The following NKX6-1 variants were observed in gnomAD, a reference collection of about 807,000 sequenced individuals.
The protein encoded by NKX6-1 is homeobox protein Nkx-6.1.
Under a neutral mutation model 24.9 loss-of-function variants are expected in NKX6-1, and 11 were observed. The observed-to-expected ratio is 0.44, with a 90% CI of 0.28 to 0.73. The LOEUF (loss-of-function observed/expected upper bound fraction) is 0.73, where lower values mean the gene tolerates loss of function less well. Among genes scored for constraint, NKX6-1 ranks in the 30% least tolerant of loss-of-function variants. NKX6-1 has a pLI of 0.15. For missense variants in NKX6-1, 487 were observed against 502.9 expected (o/e 0.97, Z 0.30); for synonymous variants, 277 against 242.9 (o/e 1.14, Z -1.31).
chr4:84,493,277 G>C lies in NKX6-1; in HGVS notation c.*12C>G, dbSNP rs1720759356. On this transcript the variant is annotated 3_prime_UTR_variant, in exon 3 of 3. Coordinates refer to ENST00000295886, the MANE Select transcript of NKX6-1 (RefSeq NM_006168.3). This position sits in a 1 kb window ranked among gnomAD's most constrained non-coding sequence, Gnocchi z 5.1. ...GAGGCCGGAGCCGGGAAGGTGCGGC[G>C]GGCGGCGGCGTTCAGGATGAGCTCT... The C allele has an allele frequency of 7.0e-7, 1 of 1,427,812 alleles. No homozygotes were observed. Among genetic ancestry groups the C allele is most frequent in the African/African-American group, 1.4e-5 (1 of 69,794 alleles). The allele number at this position is 1,427,812 out of a possible 1,614,324, so 88.4% of individuals were successfully genotyped here.
At chr4:84,494,932 G>C (rs1448261950) in intron 2 of NKX6-1, among the ~76,000 whole-genome samples, 1 of 151,950 alleles carries the variant, frequency 6.6e-6, no homozygotes, top group Non-Finnish European at 1.5e-5. Flanking sequence ...TTATTTTTTA[G>C]GAAAAAATTT....
rs1720847394 is a variant in NKX6-1 at position 84,497,680 on chromosome 4, GGCC to G, written c.546_548del (p.Ala183del). 1 of 1,272,006 alleles carries G rather than the reference GGCC, an allele frequency of 7.9e-7. No homozygotes were observed. Among genetic ancestry groups the G allele is most frequent in the Admixed American group, 4.2e-5 (1 of 23,850 alleles). The allele number at this position is 1,272,006 out of a possible 1,614,324, so 78.8% of individuals were successfully genotyped here. A position where few individuals can be genotyped will look rare whatever the true frequency, so the allele number is the denominator to read the frequency against. ...TGGGGTACCGGCCCACGGCGGCCAC[GGCC>G]GCGGCGCTGGGGCTGAAGTAGAGCC... On this transcript the variant is annotated inframe_deletion, in exon 1 of 3. Coordinates refer to ENST00000295886, the MANE Select transcript of NKX6-1 (RefSeq NM_006168.3). This position sits in a 1 kb window ranked among gnomAD's most constrained non-coding sequence, Gnocchi z 4.8.
chr4:84,498,375 G>A lies in NKX6-1; in HGVS notation c.-147C>T, dbSNP rs1338090872. Reference sequence around the variant, plus strand: ...GCGAGCTGCCAACTGAACCAAAAATGCCGCTGCCGGGAGTTGCTCGCCTAG... The same window carrying A: ...GCGAGCTGCCAACTGAACCAAAAATACCGCTGCCGGGAGTTGCTCGCCTAG... On this transcript the variant is annotated 5_prime_UTR_variant, in exon 1 of 3. Transcript: ENST00000295886. 8 of 880,160 alleles carry A rather than the reference G, an allele frequency of 9.1e-6. No homozygotes were observed. Among genetic ancestry groups the A allele is most frequent in the Non-Finnish European group, 1.2e-5 (8 of 666,994 alleles). 54.5% of individuals were successfully genotyped at this position (880,160 alleles called of 1,614,324 possible). A position where few individuals can be genotyped will look rare whatever the true frequency, so the allele number is the denominator to read the frequency against.
chr4:84,498,962 A>G lies in NKX6-1; in HGVS notation c.-734T>C, dbSNP rs1720890445. On this transcript the variant is annotated 5_prime_UTR_variant, in exon 1 of 3. Transcript: ENST00000295886. ...TGCCCTCTGGCCCACGGGGCACTGGAGTTGCAATATTGAAAAGAAAAAGGG... is the reference window on the plus strand; with the variant it reads ...TGCCCTCTGGCCCACGGGGCACTGGGGTTGCAATATTGAAAAGAAAAAGGG... Among the ~76,000 whole-genome samples the G allele has an allele frequency of 6.6e-6, 1 of 152,142 alleles. No homozygotes were observed. The highest frequency in any genetic ancestry group is 6.5e-5 in the Admixed American group (1 of 15,280).
At position 84,493,167 on chromosome 4, in the gene NKX6-1, A is replaced by G. The variant is rs7670936; in HGVS notation, c.*122T>C. The G allele has an allele frequency of 6.4e-3, 5,584 of 876,986 alleles. 186 individuals carry two copies. The African/African-American group carries it at 0.076, about 12-fold the overall frequency. 54.3% of individuals were successfully genotyped at this position (876,986 alleles called of 1,614,324 possible). On this transcript the variant is annotated 3_prime_UTR_variant, in exon 3 of 3. Transcript: ENST00000295886. The surrounding 1 kb of genome is among the most constrained non-coding windows in gnomAD (Gnocchi z 5.1). ...CTCAAAAATAGCAAAGGGTCCCCGC[A>G]GGCAGGGCCGGGTCCTCCGGGCCCC...
Position 84,497,475 on chromosome 4 carries a change from G to C in NKX6-1, c.670+84C>G. The C allele has an allele frequency of 4.8e-6, 6 of 1,247,676 alleles. No individual in the cohort carries two copies. Among genetic ancestry groups the C allele is most frequent in the Admixed American group, 4.2e-5 (1 of 23,704 alleles). 77.3% of individuals were successfully genotyped at this position (1,247,676 alleles called of 1,614,324 possible). A position where few individuals can be genotyped will look rare whatever the true frequency, so the allele number is the denominator to read the frequency against. The stretch of plus-strand genomic sequence containing the variant: ...GGGCGGGCCACAGGATGGACTGAGC[G>C]GCATGCACACCAGGGGCCGCGACCC... On this transcript the variant is annotated intron_variant, in intron 1 of 2. Coordinates refer to ENST00000295886, the MANE Select transcript of NKX6-1 (RefSeq NM_006168.3). This position sits in a 1 kb window ranked among gnomAD's most constrained non-coding sequence, Gnocchi z 4.8.
At position 84,497,710 on chromosome 4, in the gene NKX6-1, G is replaced by GGGC. The variant is rs750148249; in HGVS notation, c.516_518dup (p.Pro173dup). ...CGGCGCTGGGGCTGAAGTAGAGCCCGGGCGGCGGCGGCGGCGGGCTCAGGC... is the reference window on the plus strand; with the variant it reads ...CGGCGCTGGGGCTGAAGTAGAGCCCGGGCGGCGGCGGCGGCGGCGGGCTCAGGC... On this transcript the variant is annotated inframe_insertion, in exon 1 of 3. Transcript: ENST00000295886. This position sits in a 1 kb window ranked among gnomAD's most constrained non-coding sequence, Gnocchi z 4.8. 1.5e-4 allele frequency: 186 copies of GGGC among 1,262,598 alleles called. No homozygotes were observed. Among genetic ancestry groups the GGGC allele is most frequent in the African/African-American group, 3.9e-4 (25 of 64,426 alleles). 78.2% of individuals were successfully genotyped at this position (1,262,598 alleles called of 1,614,324 possible). A position where few individuals can be genotyped will look rare whatever the true frequency, so the allele number is the denominator to read the frequency against.
At position 84,493,414 on chromosome 4, in the gene NKX6-1, T is replaced by G. The variant is rs1240925831; in HGVS notation, c.979A>C (p.Asn327His). The G allele has an allele frequency of 6.2e-7, 1 of 1,614,238 alleles. No individual in the cohort carries two copies. Among genetic ancestry groups the G allele is most frequent in the South Asian group, 1.1e-5 (1 of 91,088 alleles). Residue 327 changes from asparagine (N) to histidine (H), a missense_variant, in exon 3 of 3, where the codon AAT becomes CAT. Around this residue, in one of 3 missense-constraint regions of NKX6-1, gnomAD observed 126 missense variants for 105.5 expected, o/e 1.19. Coordinates refer to ENST00000295886, the MANE Select transcript of NKX6-1 (RefSeq NM_006168.3). The surrounding 1 kb of genome is among the most constrained non-coding windows in gnomAD (Gnocchi z 5.1). Reference sequence around the variant, plus strand: ...TCCGAGTTGGGATCCAGAGGCTTATTGTAGTCGTCGTCCTCTTCCTCGTTC... The same window carrying G: ...TCCGAGTTGGGATCCAGAGGCTTATGGTAGTCGTCGTCCTCTTCCTCGTTC... Reference protein sequence around the residue: ...SENEEEDDDYNKPLDPNSDDE... With the variant: ...SENEEEDDDYHKPLDPNSDDE...
chr4:84,497,662 C>T lies in NKX6-1; in HGVS notation c.567G>A (p.Arg189=). ...GCAGCTCAGCCAGCGGCTTGGGGTA[C>T]CGGCCCACGGCGGCCACGGCCGCGG... is the stretch of plus-strand genomic sequence containing the variant. ...PSAAAVAAVG[R]YPKPLAELPG... The change falls in exon 1 of 3, where the codon CGG becomes CGA. Residue 189 remains arginine (R), a synonymous_variant. Coordinates refer to ENST00000295886, the MANE Select transcript of NKX6-1 (RefSeq NM_006168.3). This position sits in a 1 kb window ranked among gnomAD's most constrained non-coding sequence, Gnocchi z 4.8. 1 of 1,277,288 alleles carries T rather than the reference C, an allele frequency of 7.8e-7. No homozygotes were observed. 79.1% of individuals were successfully genotyped at this position (1,277,288 alleles called of 1,614,324 possible). A position where few individuals can be genotyped will look rare whatever the true frequency, so the allele number is the denominator to read the frequency against.
rs746665259 is a variant in NKX6-1, at chr4:84,496,242, A to ATT, written c.671-400_671-399dup. ...GGAGCCTTTAAGTGAGAATAACTAG[A>ATT]TTTTTTTTTTTTTCCTTCAACGCTT... is the stretch of plus-strand genomic sequence containing the variant. On this transcript the variant is annotated intron_variant, in intron 1 of 2. Coordinates refer to ENST00000295886, the MANE Select transcript of NKX6-1 (RefSeq NM_006168.3). Among the ~76,000 whole-genome samples, 1,418 of 145,904 alleles carry ATT rather than the reference A, an allele frequency of 9.7e-3. 25 individuals carry two copies. The highest frequency in any genetic ancestry group is 0.034 in the African/African-American group (1,355 of 39,862).
Position 84,493,701 on chromosome 4 carries a change from C to A in NKX6-1, c.844-152G>T. 1 of 998,764 alleles carries A rather than the reference C, an allele frequency of 1.0e-6. No individual in the cohort carries two copies. Among genetic ancestry groups the A allele is most frequent in the South Asian group, 1.7e-5 (1 of 58,680 alleles). 61.9% of individuals were successfully genotyped at this position (998,764 alleles called of 1,614,324 possible). On this transcript the variant is annotated intron_variant, in intron 2 of 2. Transcript: ENST00000295886. This position sits in a 1 kb window ranked among gnomAD's most constrained non-coding sequence, Gnocchi z 5.1. Reference sequence around the variant, plus strand: ...CCTCGCAGCCCTCCCTTTTCTCGGCCGTCAAAGTCAGTCTCCGTCGCCCCA... The same window carrying A: ...CCTCGCAGCCCTCCCTTTTCTCGGCAGTCAAAGTCAGTCTCCGTCGCCCCA...
chr4:84,498,665 G>A lies in NKX6-1; in HGVS notation c.-437C>T, dbSNP rs1474894199. Reference sequence around the variant, plus strand: ...GCCGAATCTCCACTTTGAAGTTGGAGGGTGGGGGTGGCTTGCTTTCTTTGG... The same window carrying A: ...GCCGAATCTCCACTTTGAAGTTGGAAGGTGGGGGTGGCTTGCTTTCTTTGG... On this transcript the variant is annotated 5_prime_UTR_variant, in exon 1 of 3. Coordinates refer to ENST00000295886, the MANE Select transcript of NKX6-1 (RefSeq NM_006168.3). Among the ~76,000 whole-genome samples, 1 of 152,248 alleles carries A rather than the reference G, an allele frequency of 6.6e-6. No individual in the cohort carries two copies. The highest frequency in any genetic ancestry group is 2.4e-5 in the African/African-American group (1 of 41,472).
Position 84,498,596 on chromosome 4 carries a change from A to C in NKX6-1, c.-368T>G. 3 of 220,072 alleles carry C rather than the reference A, an allele frequency of 1.4e-5. No homozygotes were observed. The highest frequency in any genetic ancestry group is 9.3e-5 in the East Asian group (1 of 10,710). 13.6% of individuals were successfully genotyped at this position (220,072 alleles called of 1,614,324 possible). A position where few individuals can be genotyped will look rare whatever the true frequency, so the allele number is the denominator to read the frequency against. On this transcript the variant is annotated 5_prime_UTR_variant, in exon 1 of 3. Transcript: ENST00000295886. ...CTTCTGCCCCCGGGAAATAAGCAAA[A>C]CAAAACCCAGGCTGGCTCCGGAGAG... is the stretch of plus-strand genomic sequence containing the variant.
intron 1 of NKX6-1, 135 bp from the exon 2 acceptor site, chr4:84,495,979 T>C: frequency 1.2e-6 from 1 of 841,976 alleles, no homozygotes; most frequent in South Asian, 1.7e-5. Flanking sequence ...ACACCAGAAG[T>C]GTAGTGGCGC....
rs1398309139 is a variant in NKX6-1, at chr4:84,492,177, CTTA to C, written c.*1109_*1111del. 6.6e-6 allele frequency: 1 copy of C among 152,112 alleles called. No individual in the cohort carries two copies. Among genetic ancestry groups the C allele is most frequent in the Non-Finnish European group, 1.5e-5 (1 of 68,036 alleles). 9.4% of individuals were successfully genotyped at this position (152,112 alleles called of 1,614,324 possible). A position where few individuals can be genotyped will look rare whatever the true frequency, so the allele number is the denominator to read the frequency against. Reference sequence around the variant, plus strand: ...AACAATTTACATATTCTATAGTATTCTTATGATACAAAACACTTCAAATTCAAT... The same window carrying C: ...AACAATTTACATATTCTATAGTATTCTGATACAAAACACTTCAAATTCAAT... On this transcript the variant is annotated 3_prime_UTR_variant, in exon 3 of 3. Coordinates refer to ENST00000295886, the MANE Select transcript of NKX6-1 (RefSeq NM_006168.3).
Position 84,498,880 on chromosome 4 carries a change from C to A in NKX6-1, c.-652G>T, listed in dbSNP as rs1362788579. On this transcript the variant is annotated 5_prime_UTR_variant, in exon 1 of 3. Transcript: ENST00000295886. ...CCCACGCTGCCCCGGGCTGCTGCGC[C>A]AGAAAGGGCAGTGCCACGGATCCCC... Among the ~76,000 whole-genome samples the A allele has an allele frequency of 6.6e-6, 1 of 152,228 alleles. No homozygotes were observed. The highest frequency in any genetic ancestry group is 2.1e-4 in the South Asian group (1 of 4,834).
In NKX6-1 at chr4:84,493,317, T is replaced by C. The variant is rs771165330; in HGVS notation, c.1076A>G (p.His359Arg). 6.2e-6 allele frequency: 10 copies of C among 1,602,778 alleles called. No homozygotes were observed. In the African/African-American group the frequency reaches 8.3e-5, roughly 13 times the overall value. The change falls in exon 3 of 3, where the codon CAC becomes CGC. Residue 359 changes from histidine to arginine, a missense_variant. Transcript: ENST00000295886. This position sits in a 1 kb window ranked among gnomAD's most constrained non-coding sequence, Gnocchi z 5.1. ...GGATGAGCTCTCCGGCTCGGACGCG[T>C]GCAGTAGGAGGCCGCCGCCGCCGCC... ...SSGGGGGLLLHASEPESSS is the reference protein window; with the variant it reads ...SSGGGGGLLLRASEPESSS
intron 2 of NKX6-1, among the ~76,000 whole-genome samples, chr4:84,494,339 A>G (rs1356118135): frequency 1.3e-5 from 2 of 152,330 alleles, no homozygotes; most frequent in South Asian, 4.1e-4. Context: ...CTATTCTTTC[A>G]AATGTTATTT....
chr4:84,494,702 C>T (rs1042748809), intron 2 of NKX6-1, among the ~76,000 whole-genome samples: 3 of 152,150 alleles, frequency 2.0e-5, no homozygotes, highest in African/African-American at 7.2e-5. Flanking sequence ...CAAAATCACT[C>T]CTGAAATGTA....
Sources: gnomAD v4.1 joint callset for allele counts (sites outside exome capture counted in the v4.1 genomes callset) on GRCh38, gnomAD v4.1.1 for gene constraint, gnomAD v4.1.1 regional missense constraint, Gnocchi (gnomAD v3.1) non-coding constraint, MANE v1.5 for transcripts, NCBI Gene and HGNC (gene_info 2026-07-23, HGNC 2026-07-21) for gene names.